Variants in DOCK3 observed in about 807,000 individuals in gnomAD.
DOCK3 encodes the protein dedicator of cytokinesis protein 3.
In DOCK3, 60 loss-of-function variants were observed where a neutral mutation model predicts 265.6. The ratio of observed to expected loss-of-function variants is 0.23; its 90% confidence interval spans 0.18 to 0.28. The LOEUF (loss-of-function observed/expected upper bound fraction) is 0.28, where lower values mean the gene tolerates loss of function less well. Ranked by LOEUF, DOCK3 falls within the 10% of genes least tolerant of loss-of-function variation. The pLI is 1.00. For missense variants in DOCK3, 1,981 were observed against 2,594.3 expected, an observed-to-expected ratio of 0.76 and a Z score of 5.14; for synonymous variants, 881 against 938.0, an observed-to-expected ratio of 0.94 and a Z score of 1.11.
chr3:51,065,265 A>G (rs2081550797), intron 6 of DOCK3, among the ~76,000 whole-genome samples: 1 of 152,186 alleles, frequency 6.6e-6, no homozygotes, highest in African/African-American at 2.4e-5. Context: ...AATTGGGTCC[A>G]TTGAACTTTT....
rs188751528 is a variant in DOCK3 at position 50,784,070 on chromosome 3, G to A, written c.121+5312G>A. Among the ~76,000 whole-genome samples the A allele has an allele frequency of 5.9e-5, 9 of 152,072 alleles. No individual in the cohort carries two copies. The South Asian group carries it at 6.2e-4, about 11-fold the overall frequency. On this transcript the variant is annotated intron_variant, in intron 2 of 52. Coordinates refer to ENST00000266037, the MANE Select transcript of DOCK3 (RefSeq NM_004947.5). ...TTTAGTAGAGGTGGGGTTTCACCAC[G>A]TTGGCCAGGTTGATCTCGAACTCCT...
chr3:51,067,728 T>C (rs1488490195), intron 6 of DOCK3, among the ~76,000 whole-genome samples: 2 of 152,120 alleles, frequency 1.3e-5, no homozygotes, highest in Admixed American at 6.5e-5. Flanking sequence ...TCTGTCATTA[T>C]TGAAAGGAAA....
chr3:51,112,674 G>A (rs536473514), intron 9 of DOCK3, among the ~76,000 whole-genome samples: 3 of 152,324 alleles, frequency 2.0e-5, no homozygotes, highest in Admixed American at 6.5e-5. Flanking sequence ...TGAAGTGGGA[G>A]GGGCGACTGT....
At chr3:50,804,177 G>C (rs1281367370) in intron 2 of DOCK3, among the ~76,000 whole-genome samples, 1 of 151,074 alleles carries the variant, frequency 6.6e-6, no homozygotes, top group African/African-American at 2.4e-5. Flanking sequence ...CATCTCAGAT[G>C]ATGGGCGGCC....
intron 5 of DOCK3, among the ~76,000 whole-genome samples, chr3:50,987,681 T>C (rs1429886224): frequency 6.6e-6 from 1 of 152,132 alleles, no homozygotes; most frequent in East Asian, 1.9e-4. Flanking sequence ...AGGAAACAAT[T>C]TGACGCATGG....
rs1013891049 is a variant in DOCK3 at position 51,178,057 on chromosome 3, A to G, written c.1037+17355A>G. On this transcript the variant is annotated intron_variant, in intron 12 of 52. Transcript: ENST00000266037. ...AAAAAAAAAAGTCTCAAAATAGTCA[A>G]CAAACAAAATCCATCTATATGATAT... 2.0e-5 allele frequency among the ~76,000 whole-genome samples: 3 copies of G among 151,856 alleles called. No individual in the cohort carries two copies. The East Asian group carries it at 5.8e-4, about 29-fold the overall frequency.
chr3:51,373,054 T>C (rs13073141), intron 49 of DOCK3, among the ~76,000 whole-genome samples: 15,831 of 152,270 alleles, frequency 0.1, 1,057 homozygotes, highest in Middle Eastern at 0.18. Context: ...TCAGACCAAC[T>C]GTGGAAAAAG....
At chr3:51,133,019 T>G (rs1011730875) in intron 9 of DOCK3, among the ~76,000 whole-genome samples, 1 of 152,048 alleles carries the variant, frequency 6.6e-6, no homozygotes, top group Non-Finnish European at 1.5e-5. Context: ...GGCAGGATAA[T>G]GTTGATTTTC....
At chr3:51,173,993 G>A (rs1480708579) in intron 12 of DOCK3, among the ~76,000 whole-genome samples, 1 of 151,720 alleles carries the variant, frequency 6.6e-6, no homozygotes, top group East Asian at 1.9e-4. Context: ...TTCTCTTTTT[G>A]TGTCTCTAAC....
intron 32 of DOCK3, among the ~76,000 whole-genome samples, chr3:51,320,721 T>C (rs2083662339): frequency 6.6e-6 from 1 of 152,170 alleles, no homozygotes; most frequent in Non-Finnish European, 1.5e-5. Context: ...AAGTTTGAAC[T>C]GGGTGGAGCC....
intron 1 of DOCK3, among the ~76,000 whole-genome samples, chr3:50,739,553 G>A (rs2038879233): frequency 6.6e-6 from 1 of 151,990 alleles, no homozygotes; most frequent in Non-Finnish European, 1.5e-5. Context: ...TAAGCTCTTC[G>A]TGGTGCAAGG....
chr3:51,022,488 C>T (rs1256946800), intron 5 of DOCK3, among the ~76,000 whole-genome samples: 1 of 152,084 alleles, frequency 6.6e-6, no homozygotes, highest in Non-Finnish European at 1.5e-5. Context: ...TCTTTCTTCT[C>T]TTTCTGGAAC....
intron 9 of DOCK3, among the ~76,000 whole-genome samples, chr3:51,121,667 C>T (rs1267396152): frequency 6.6e-6 from 1 of 151,438 alleles, no homozygotes; most frequent in Non-Finnish European, 1.5e-5. Flanking sequence ...TTCTAAGAGG[C>T]GTAAGGAGAA....
chr3:51,214,270 G>C lies in DOCK3; in HGVS notation c.1252+23G>C, dbSNP rs754743979. ...CAGGTATGCAGAACTGCTTGGGGCT[G>C]GGAAGGAAGATGGGTTAGGATGGAA... On this transcript the variant is annotated intron_variant, in intron 14 of 52. Coordinates refer to ENST00000266037, the MANE Select transcript of DOCK3 (RefSeq NM_004947.5). 2.5e-6 allele frequency: 4 copies of C among 1,612,230 alleles called. No individual in the cohort carries two copies. In the East Asian group the frequency reaches 6.7e-5, roughly 27 times the overall value.
At position 51,374,659 on chromosome 3, in the gene DOCK3, G is replaced by C; in HGVS notation, c.5412+72G>C. The C allele has an allele frequency of 7.2e-7, 1 of 1,398,036 alleles. No homozygotes were observed. Among genetic ancestry groups the C allele is most frequent in the Non-Finnish European group, 9.9e-7 (1 of 1,007,436 alleles). 86.6% of individuals were successfully genotyped at this position (1,398,036 alleles called of 1,614,324 possible). Reference sequence around the variant, plus strand: ...CCTGTGCTTCCCTCCTTGCATTTGCGGGGCCTTCTGCATTGTCCTACATGG... The same window carrying C: ...CCTGTGCTTCCCTCCTTGCATTTGCCGGGCCTTCTGCATTGTCCTACATGG... On this transcript the variant is annotated intron_variant, in intron 50 of 52. Coordinates refer to ENST00000266037, the MANE Select transcript of DOCK3 (RefSeq NM_004947.5). This position sits in a 1 kb window ranked among gnomAD's most constrained non-coding sequence, Gnocchi z 4.8.
chr3:50,721,935 C>T (rs1346427323), intron 1 of DOCK3, among the ~76,000 whole-genome samples: 2 of 152,026 alleles, frequency 1.3e-5, no homozygotes, highest in Non-Finnish European at 2.9e-5. Context: ...TCCCCAGAGC[C>T]CCTAGTCACA....
chr3:51,138,390 G>GA (rs2084904690), intron 9 of DOCK3, among the ~76,000 whole-genome samples: 1 of 152,080 alleles, frequency 6.6e-6, no homozygotes, highest in South Asian at 2.1e-4. Flanking sequence ...AAAGGCCTCT[G>GA]AAGTGAAAAA....
intron 5 of DOCK3, among the ~76,000 whole-genome samples, chr3:51,035,733 T>C (rs1313659588): frequency 1.3e-5 from 2 of 152,302 alleles, no homozygotes; most frequent in East Asian, 3.9e-4. Flanking sequence ...AGTTGGTTAA[T>C]TTGGCTAGAC....
chr3:50,905,459 C>T (rs1254432987), intron 4 of DOCK3, among the ~76,000 whole-genome samples: 5 of 151,980 alleles, frequency 3.3e-5, no homozygotes, highest in South Asian at 2.1e-4. Flanking sequence ...TTGTAGTTCT[C>T]CTTGAAGAGG....
Sources: gnomAD v4.1 joint callset for allele counts (sites outside exome capture counted in the v4.1 genomes callset) on GRCh38, gnomAD v4.1.1 for gene constraint, Gnocchi (gnomAD v3.1) non-coding constraint, MANE v1.5 for transcripts, NCBI Gene and HGNC (gene_info 2026-07-23, HGNC 2026-07-21) for gene names.